The following RPUSD2 variants were observed in gnomAD, a reference collection of about 807,000 sequenced individuals.
RPUSD2 encodes the protein RNA pseudouridine synthase domain containing 2, also known as pseudouridylate synthase RPUSD2.
Under a neutral mutation model 41.5 loss-of-function variants are expected in RPUSD2, and 31 were observed. The observed-to-expected ratio is 0.75, with a 90% CI of 0.56 to 1.01. The LOEUF (loss-of-function observed/expected upper bound fraction) is 1.01. Among genes scored for constraint, RPUSD2 ranks in the 50% least tolerant of loss-of-function variants. The pLI is 0.00. For missense variants in RPUSD2, 749 were observed against 724.7 expected (o/e 1.03, Z -0.38); for synonymous variants, 305 against 289.7 (o/e 1.05, Z -0.54).
chr15:40,574,664 C>A lies in RPUSD2; in HGVS notation c.*403C>A, dbSNP rs1891217601. 6.3e-6 allele frequency: 1 copy of A among 158,162 alleles called. No individual in the cohort carries two copies. The highest frequency in any genetic ancestry group is 2.4e-5 in the African/African-American group (1 of 41,326). 9.8% of individuals were successfully genotyped at this position (158,162 alleles called of 1,614,324 possible). A position where few individuals can be genotyped will look rare whatever the true frequency, so the allele number is the denominator to read the frequency against. On this transcript the variant is annotated 3_prime_UTR_variant, in exon 3 of 3. Transcript: ENST00000315616. ...TGATTGTGCTGCTGCACTCCAGAGC[C>A]TAGGTGACAGAGTGAGACCCTGTCT...
In RPUSD2 at chr15:40,573,915, G is replaced by A. The variant is rs767620389; in HGVS notation, c.1292G>A (p.Cys431Tyr). Residue 431 changes from cysteine (C) to tyrosine (Y), a missense_variant, in exon 3 of 3, where the codon TGT becomes TAT. Transcript: ENST00000315616. ...CAGAGCCTGGATGTGCTAGATCTCTGTGAGGGTGACCTGTCCCCAGGACTC... is the reference window on the plus strand; with the variant it reads ...CAGAGCCTGGATGTGCTAGATCTCTATGAGGGTGACCTGTCCCCAGGACTC... ...AKQSLDVLDL[C>Y]EGDLSPGLTD... The A allele has an allele frequency of 8.7e-6, 14 of 1,614,110 alleles. No individual in the cohort carries two copies. In the South Asian group the frequency reaches 1.1e-4, roughly 13 times the overall value.
rs143257893 is a variant in RPUSD2 at position 40,573,629 on chromosome 15, C to G, written c.1006C>G (p.Arg336Gly). ...GGTGTCTTACAAAGTAGGGGTGTGC[C>G]GTGTAGATCCCCGGGGCAAGCCCTG... ...LVVSYKVGVCRVDPRGKPCET... is the reference protein window; with the variant it reads ...LVVSYKVGVCGVDPRGKPCET... Residue 336 changes from arginine (R) to glycine (G), a missense_variant, in exon 3 of 3, where the codon CGT (arginine) becomes GGT (glycine). By Grantham distance (125) the Arg-to-Gly change is moderately radical (BLOSUM62 -2). Coordinates refer to ENST00000315616, the MANE Select transcript of RPUSD2 (RefSeq NM_152260.3). The G allele has an allele frequency of 6.2e-7, 1 of 1,614,100 alleles. No homozygotes were observed. Among genetic ancestry groups the G allele is most frequent in the Non-Finnish European group, 8.5e-7 (1 of 1,180,010 alleles).
At chr15:40,570,965 C>T (rs1007791494) in intron 1 of RPUSD2, among the ~76,000 whole-genome samples, 1 of 151,668 alleles carries the variant, frequency 6.6e-6, no homozygotes, top group African/African-American at 2.4e-5. Flanking sequence ...AGGTTTTTTC[C>T]TCCATTAAAA....
intron 2 of RPUSD2, 54 bp downstream of exon 2, chr15:40,571,954 G>A (rs1459361745): frequency 1.3e-6 from 2 of 1,546,448 alleles, no homozygotes; most frequent in African/African-American, 1.4e-5. Flanking sequence ...CGAATGCTCT[G>A]TGTCAAAAGG....
rs372399428 is a variant in RPUSD2, at chr15:40,574,142, C to T, written c.1519C>T (p.Gln507Ter). ...PLCAECRLVR[Q>*]DPLPQDLVMF... ...CTGTGCAGAGTGCCGGCTGGTGCGACAGGATCCCTTGCCCCAAGACCTTGT... is the reference window on the plus strand; with the variant it reads ...CTGTGCAGAGTGCCGGCTGGTGCGATAGGATCCCTTGCCCCAAGACCTTGT... Residue 507 changes from glutamine to a stop codon, truncating the protein, a stop_gained, in exon 3 of 3, where the codon CAG becomes TAG. Transcript: ENST00000315616. LOFTEE classifies it high-confidence loss of function. 33 of 1,614,100 alleles carry T rather than the reference C, an allele frequency of 2.0e-5. No homozygotes were observed. The highest frequency in any genetic ancestry group is 2.7e-5 in the African/African-American group (2 of 74,930).
chr15:40,569,462 A>G lies in RPUSD2; in HGVS notation c.125A>G (p.Gln42Arg). 1.0e-5 allele frequency: 16 copies of G among 1,573,740 alleles called. No individual in the cohort carries two copies. Among genetic ancestry groups the G allele is most frequent in the Non-Finnish European group, 1.2e-5 (14 of 1,163,818 alleles). Residue 42 changes from glutamine (Q) to arginine (R), a missense_variant, in exon 1 of 3, where the codon CAG becomes CGG. Coordinates refer to ENST00000315616, the MANE Select transcript of RPUSD2 (RefSeq NM_152260.3). ...KGPMAETVST[Q>R]VGTEGGLRAS... ...CCAATGGCAGAAACAGTGTCTACCC[A>G]GGTTGGGACAGAGGGCGGGCTGAGG...
Position 40,571,897 on chromosome 15 carries a change from G to A in RPUSD2, c.900G>A (p.Arg300=). ...SERIHEQVRD[R]QLEKEYVCRV... is the part of the protein sequence containing the mutation. The stretch of plus-strand genomic sequence containing the variant: ...GAATTCACGAGCAGGTTCGGGACCG[G>A]CAGGTGAGTCAGGCTTTTGTCTCCT... The change falls in exon 2 of 3, where the codon CGG becomes CGA. Residue 300 remains arginine, a synonymous_variant. Transcript: ENST00000315616. The A allele has an allele frequency of 6.2e-7, 1 of 1,612,646 alleles. No homozygotes were observed. Among genetic ancestry groups the A allele is most frequent in the Non-Finnish European group, 8.5e-7 (1 of 1,179,108 alleles).
rs1891221419 is a variant in RPUSD2, at chr15:40,574,896, G to A, written c.*635G>A. 1 of 152,146 alleles carries A rather than the reference G, an allele frequency of 6.6e-6. No individual in the cohort carries two copies. The highest frequency in any genetic ancestry group is 2.4e-5 in the African/African-American group (1 of 41,416). 9.4% of individuals were successfully genotyped at this position (152,146 alleles called of 1,614,324 possible). ...CACTAATCTACTTTCTGTCTGTTTG[G>A]ATTTGCCTGTTTATTCTGGACATTT... On this transcript the variant is annotated 3_prime_UTR_variant, in exon 3 of 3. Transcript: ENST00000315616.
In RPUSD2 at chr15:40,569,934, C is replaced by T; in HGVS notation, c.597C>T (p.Ile199=). ...LNEKPVQDLN[I]VLKDNDFLRN... ...AGAAGCCGGTGCAGGACCTCAACATCGTGCTCAAGGTGGAGTCCTGATGGG... is the reference window on the plus strand; with the variant it reads ...AGAAGCCGGTGCAGGACCTCAACATTGTGCTCAAGGTGGAGTCCTGATGGG... Residue 199 remains isoleucine (I), a synonymous_variant, in exon 1 of 3, where the codon ATC becomes ATT. Coordinates refer to ENST00000315616, the MANE Select transcript of RPUSD2 (RefSeq NM_152260.3). The T allele has an allele frequency of 1.9e-6, 3 of 1,547,762 alleles. No individual in the cohort carries two copies. The highest frequency in any genetic ancestry group is 2.6e-6 in the Non-Finnish European group (3 of 1,147,580).
At position 40,574,098 on chromosome 15, in the gene RPUSD2, A is replaced by G. The variant is rs1891204871; in HGVS notation, c.1475A>G (p.Asn492Ser). 6.2e-7 allele frequency: 1 copy of G among 1,614,182 alleles called. No homozygotes were observed. Among genetic ancestry groups the G allele is most frequent in the Non-Finnish European group, 8.5e-7 (1 of 1,180,030 alleles). Residue 492 changes from asparagine to serine, a missense_variant, in exon 3 of 3, where the codon AAT (asparagine) becomes AGT (serine). Asn to Ser is a conservative substitution (Grantham distance 46, BLOSUM62 1). Coordinates refer to ENST00000315616, the MANE Select transcript of RPUSD2 (RefSeq NM_152260.3). ...AAGGCAGTTGAAACAGATGTCATGA[A>G]TCAAGAGACAGACCCACTCTGTGCA... ...SEKAVETDVM[N>S]QETDPLCAEC...
rs1326199521 is a variant in RPUSD2, at chr15:40,573,696, G to A, written c.1073G>A (p.Ser358Asn). 1.2e-6 allele frequency: 2 copies of A among 1,614,110 alleles called. No homozygotes were observed. The highest frequency in any genetic ancestry group is 2.7e-5 in the African/African-American group (2 of 74,938). Reference sequence around the variant, plus strand: ...AGGCTAAGCTACAATGGCCAGTCCAGTGTGGTACGGTGCCGGCCACTCACA... The same window carrying A: ...AGGCTAAGCTACAATGGCCAGTCCAATGTGGTACGGTGCCGGCCACTCACA... ...FQRLSYNGQS[S>N]VVRCRPLTGR... The change falls in exon 3 of 3, where the codon AGT becomes AAT. Residue 358 changes from serine to asparagine, a missense_variant. Coordinates refer to ENST00000315616, the MANE Select transcript of RPUSD2 (RefSeq NM_152260.3).
Position 40,571,703 on chromosome 15 carries a change from G to C in RPUSD2, c.706G>C (p.Asp236His). 6.2e-7 allele frequency: 1 copy of C among 1,614,250 alleles called. No homozygotes were observed. Among genetic ancestry groups the C allele is most frequent in the Non-Finnish European group, 8.5e-7 (1 of 1,180,050 alleles). Reference protein sequence around the residue: ...LAENEDVVVVDKPSSIPVHPC... With the variant: ...LAENEDVVVVHKPSSIPVHPC... ...TGAGAACGAAGATGTGGTGGTTGTA[G>C]ACAAGCCTTCCTCCATTCCCGTTCA... Residue 236 changes from aspartate (D) to histidine (H), a missense_variant, in exon 2 of 3, where the codon GAC (aspartate) becomes CAC (histidine). Coordinates refer to ENST00000315616, the MANE Select transcript of RPUSD2 (RefSeq NM_152260.3).
chr15:40,569,430 T>G lies in RPUSD2; in HGVS notation c.93T>G (p.Asp31Glu). 6.4e-7 allele frequency: 1 copy of G among 1,559,870 alleles called. No homozygotes were observed. The highest frequency in any genetic ancestry group is 8.6e-7 in the Non-Finnish European group (1 of 1,158,412). ...GCTTTACCAGGACTTGGAGTGGCGA[T>G]AAGGGCCCAATGGCAGAAACAGTGT... ...RPSFTRTWSG[D>E]KGPMAETVST... is the part of the protein sequence containing the mutation. The change falls in exon 1 of 3, where the codon GAT becomes GAG. Residue 31 changes from aspartate to glutamate, a missense_variant. By Grantham distance (45) the Asp-to-Glu change is conservative. Coordinates refer to ENST00000315616, the MANE Select transcript of RPUSD2 (RefSeq NM_152260.3).
At chr15:40,572,563 T>C (rs950483225) in intron 2 of RPUSD2, among the ~76,000 whole-genome samples, 2 of 126,400 alleles carry the variant, frequency 1.6e-5, no homozygotes, top group African/African-American at 6.6e-5. Context: ...AGACTCTGTC[T>C]CAAAAAAAAA....
Position 40,569,541 on chromosome 15 carries a change from C to T in RPUSD2, c.204C>T (p.Ser68=). 5.2e-6 allele frequency: 8 copies of T among 1,536,464 alleles called. No individual in the cohort carries two copies. Among genetic ancestry groups the T allele is most frequent in the Non-Finnish European group, 7.0e-6 (8 of 1,146,050 alleles). Reference sequence around the variant, plus strand: ...GTGGCGACGCGAAGGTTGAGCTGTCCCCCGGGCCCCCGAAGCCGGCTGGCC... The same window carrying T: ...GTGGCGACGCGAAGGTTGAGCTGTCTCCCGGGCCCCCGAAGCCGGCTGGCC... ...DAGGDAKVEL[S]PGPPKPAGRE... The change falls in exon 1 of 3, where the codon TCC becomes TCT. Residue 68 remains serine (S), a synonymous_variant. Transcript: ENST00000315616.
At position 40,569,487 on chromosome 15, in the gene RPUSD2, G is replaced by A. The variant is rs755843387; in HGVS notation, c.150G>A (p.Arg50=). 1.3e-6 allele frequency: 2 copies of A among 1,563,792 alleles called. No homozygotes were observed. Among genetic ancestry groups the A allele is most frequent in the Non-Finnish European group, 1.7e-6 (2 of 1,159,260 alleles). The change falls in exon 1 of 3, where the codon AGG becomes AGA. Residue 50 remains arginine (R), a synonymous_variant. Transcript: ENST00000315616. The stretch of plus-strand genomic sequence containing the variant: ...AGGTTGGGACAGAGGGCGGGCTGAG[G>A]GCTTCGCATCAGCAAAACGGTGACG... ...STQVGTEGGL[R]ASHQQNGDAG...
Position 40,573,806 on chromosome 15 carries a change from G to T in RPUSD2, c.1183G>T (p.Gly395Cys). 1 of 1,614,176 alleles carries T rather than the reference G, an allele frequency of 6.2e-7. No individual in the cohort carries two copies. Among genetic ancestry groups the T allele is most frequent in the South Asian group, 1.1e-5 (1 of 91,078 alleles). Reference sequence around the variant, plus strand: ...CCCCATCTACAACTCAGTTGCCTGGGGTCCTTCTCGAGGCCGGGGCGGCTA... The same window carrying T: ...CCCCATCTACAACTCAGTTGCCTGGTGTCCTTCTCGAGGCCGGGGCGGCTA... ...NDPIYNSVAW[G>C]PSRGRGGYIP... The change falls in exon 3 of 3, where the codon GGT becomes TGT. Residue 395 changes from glycine to cysteine, a missense_variant. Physicochemically the swap from Gly to Cys is radical, Grantham distance 159. Coordinates refer to ENST00000315616, the MANE Select transcript of RPUSD2 (RefSeq NM_152260.3).
chr15:40,573,941 A>C lies in RPUSD2; in HGVS notation c.1318A>C (p.Thr440Pro). ...TGAGGGTGACCTGTCCCCAGGACTCACAGACTCTACGGCCCCCTCCTCAGA... is the reference window on the plus strand; with the variant it reads ...TGAGGGTGACCTGTCCCCAGGACTCCCAGACTCTACGGCCCCCTCCTCAGA... ...LCEGDLSPGL[T>P]DSTAPSSELG... is the part of the protein sequence containing the mutation. Residue 440 changes from threonine (T) to proline (P), a missense_variant, in exon 3 of 3, where the codon ACA becomes CCA. By Grantham distance (38) the Thr-to-Pro change is conservative (BLOSUM62 -1). Transcript: ENST00000315616. The C allele has an allele frequency of 6.2e-7, 1 of 1,614,178 alleles. No individual in the cohort carries two copies. Among genetic ancestry groups the C allele is most frequent in the South Asian group, 1.1e-5 (1 of 91,088 alleles).
intron 1 of RPUSD2, among the ~76,000 whole-genome samples, chr15:40,570,851 A>G (rs1891120503): frequency 6.6e-6 from 1 of 152,216 alleles, no homozygotes; most frequent in South Asian, 2.1e-4. Context: ...GACTTGCCCA[A>G]GAGCATGTAG....
Sources: gnomAD v4.1 joint callset for allele counts (sites outside exome capture counted in the v4.1 genomes callset) on GRCh38, gnomAD v4.1.1 for gene constraint, MANE v1.5 for transcripts, NCBI Gene and HGNC (gene_info 2026-07-23, HGNC 2026-07-21) for gene names.